Variants in RBFOX1 observed in about 807,000 individuals in gnomAD.
The protein encoded by RBFOX1 is RNA binding protein fox-1 homolog 1.
Under a neutral mutation model 57.7 loss-of-function variants are expected in RBFOX1, and 8 were observed. The ratio of observed to expected loss-of-function variants is 0.14; its 90% CI spans 0.08 to 0.25. The LOEUF is 0.25. Ranked by LOEUF, RBFOX1 falls within the 10% of genes least tolerant of loss-of-function variation. The pLI is 1.00. For synonymous variants in RBFOX1, 326 were observed against 222.4 expected (o/e 1.47, Z -4.15); for missense variants, 611 against 548.5 (o/e 1.11, Z -1.14).
intron 4 of RBFOX1, among the ~76,000 whole-genome samples, chr16:7,187,018 A>AAG (rs1491323734): frequency 1.8e-4 from 24 of 134,196 alleles, no homozygotes; most frequent in African/African-American, 6.4e-4. Context: ...AAAAAAAAAA[A>AAG]TTCAGAAATT....
At chr16:5,839,734 G>T (rs557352474) in intron 3 of RBFOX1, among the ~76,000 whole-genome samples, 1 of 151,722 alleles carries the variant, frequency 6.6e-6, no homozygotes, top group East Asian at 2.0e-4. Flanking sequence ...GGCTGCCATT[G>T]CTCCAGGCAT....
chr16:5,286,969 A>G (rs942868517), intron 1 of RBFOX1, among the ~76,000 whole-genome samples: 1 of 152,214 alleles, frequency 6.6e-6, no homozygotes, highest in African/African-American at 2.4e-5. Context: ...TTTCTAAAGA[A>G]AAAGAAAGCA....
chr16:7,380,940 A>G (rs59503258), intron 4 of RBFOX1, among the ~76,000 whole-genome samples: 10,731 of 152,296 alleles, frequency 0.07, 511 homozygotes, highest in East Asian at 0.19. Flanking sequence ...ATGGAGAGAA[A>G]GAACAGTATT....
chr16:6,171,812 T>TTTTATTTATTTA (rs370403385), intron 1 of RBFOX1, among the ~76,000 whole-genome samples: 106 of 151,530 alleles, frequency 7.0e-4, no homozygotes, highest in African/African-American at 2.3e-3. Context: ...CTTATTTTTA[T>TTTTATTTATTTA]TTTATTTATT....
intron 3 of RBFOX1, among the ~76,000 whole-genome samples, chr16:5,651,339 C>G (rs1339480325): frequency 6.6e-6 from 1 of 152,104 alleles, no homozygotes; most frequent in East Asian, 1.9e-4. Context: ...AGGAGTGAAC[C>G]ACCATGCCCA....
Position 6,897,568 on chromosome 16 carries a change from C to T in RBFOX1, c.-15-154489C>T, listed in dbSNP as rs1329037477. On this transcript the variant is annotated intron_variant, in intron 3 of 15. Transcript: ENST00000550418. Reference sequence around the variant, plus strand: ...CAACACTTTGGGAGTCCAAGGCGGGCGGATCACTTGAGGTCAGGAGTTTGA... The same window carrying T: ...CAACACTTTGGGAGTCCAAGGCGGGTGGATCACTTGAGGTCAGGAGTTTGA... Among the ~76,000 whole-genome samples the T allele has an allele frequency of 3.3e-5, 5 of 152,124 alleles. No individual in the cohort carries two copies. The East Asian group carries it at 9.7e-4, about 29-fold the overall frequency.
At chr16:6,204,315 G>A (rs941031554) in intron 1 of RBFOX1, among the ~76,000 whole-genome samples, 1 of 152,148 alleles carries the variant, frequency 6.6e-6, no homozygotes, top group Non-Finnish European at 1.5e-5. Context: ...TCAATGTTGC[G>A]ACAAGATTGA....
chr16:5,726,322 C>G (rs1429418373), intron 3 of RBFOX1, among the ~76,000 whole-genome samples: 1 of 152,046 alleles, frequency 6.6e-6, no homozygotes, highest in Admixed American at 6.6e-5. Context: ...GCCTGACTTT[C>G]TTTTCATGAA....
At chr16:5,879,575 C>G (rs562121954) in intron 4 of RBFOX1, among the ~76,000 whole-genome samples, 36 of 152,322 alleles carry the variant, frequency 2.4e-4, no homozygotes, top group Middle Eastern at 3.4e-3. Flanking sequence ...GGTGATCTGC[C>G]TCTTTTGGCC....
intron 3 of RBFOX1, among the ~76,000 whole-genome samples, chr16:5,728,377 A>G (rs2052233638): frequency 1.3e-5 from 2 of 152,036 alleles, no homozygotes; most frequent in East Asian, 1.9e-4. Flanking sequence ...CTAAGCACGG[A>G]CTCCTGTGTG....
At position 6,299,023 on chromosome 16, in the gene RBFOX1, C is replaced by T. The variant is rs572489025; in HGVS notation, c.-126-17972C>T. Among the ~76,000 whole-genome samples the T allele has an allele frequency of 4.2e-4, 64 of 152,264 alleles. 1 individual carries two copies. The South Asian group carries it at 0.013, about 30-fold the overall frequency. ...CCCCTTTCCTCGTGCTATTTCTGCC[C>T]TTGTCTCTGATACTTCATCTCTGTT... On this transcript the variant is annotated intron_variant, in intron 1 of 15. Coordinates refer to ENST00000550418, the MANE Select transcript of RBFOX1 (RefSeq NM_018723.4).
intron 4 of RBFOX1, among the ~76,000 whole-genome samples, chr16:7,382,553 A>T (rs967565141): frequency 1.3e-5 from 2 of 152,230 alleles, no homozygotes; most frequent in African/African-American, 4.8e-5. Context: ...CACCGAATTG[A>T]TTCCATTTTC....
intron 1 of RBFOX1, among the ~76,000 whole-genome samples, chr16:6,054,017 C>A (rs1376570076): frequency 1.3e-5 from 2 of 151,988 alleles, no homozygotes; most frequent in African/African-American, 2.4e-5. Flanking sequence ...CCACTGTACT[C>A]CAGCCTGCGC....
chr16:6,827,453 A>G (rs555448170), intron 3 of RBFOX1, among the ~76,000 whole-genome samples: 1 of 151,818 alleles, frequency 6.6e-6, no homozygotes, highest in Non-Finnish European at 1.5e-5. Flanking sequence ...CAGTCTCAGT[A>G]TGATGACAGC....
At chr16:7,122,858 A>G (rs2067509237) in intron 4 of RBFOX1, among the ~76,000 whole-genome samples, 1 of 152,210 alleles carries the variant, frequency 6.6e-6, no homozygotes, top group African/African-American at 2.4e-5. Flanking sequence ...GTGGAATACT[A>G]CTGAACAATA....
At chr16:7,142,760 C>T (rs957160411) in intron 4 of RBFOX1, among the ~76,000 whole-genome samples, 14 of 152,316 alleles carry the variant, frequency 9.2e-5, no homozygotes, top group African/African-American at 3.4e-4. Context: ...TTGTATATGA[C>T]ATTCCCAATG....
At chr16:5,622,900 A>C (rs2048240689) in intron 3 of RBFOX1, among the ~76,000 whole-genome samples, 1 of 152,244 alleles carries the variant, frequency 6.6e-6, no homozygotes, top group South Asian at 2.1e-4. Context: ...TTTCCTAAAC[A>C]ACACAGTATA....
At chr16:5,699,205 C>G (rs553669483) in intron 3 of RBFOX1, among the ~76,000 whole-genome samples, 108 of 152,100 alleles carry the variant, frequency 7.1e-4, no homozygotes, top group African/African-American at 2.5e-3. Flanking sequence ...CCAGGCTGGT[C>G]TTGAATTCCT....
chr16:6,742,729 C>G (rs563923577), intron 3 of RBFOX1, among the ~76,000 whole-genome samples: 1 of 152,274 alleles, frequency 6.6e-6, no homozygotes, highest in East Asian at 1.9e-4. Flanking sequence ...AAAATTAAAA[C>G]AGTCTCAAAA....
Sources: allele counts gnomAD v4.1 joint callset (sites outside exome capture counted in the v4.1 genomes callset), GRCh38; gene constraint gnomAD v4.1.1; transcripts MANE v1.5; gene names NCBI Gene and HGNC (gene_info 2026-07-23, HGNC 2026-07-21).